The following TNXB variants were observed in gnomAD, a reference collection of about 807,000 sequenced individuals.
The protein encoded by TNXB is tenascin-X.
Under a neutral mutation model 340.5 loss-of-function variants are expected in TNXB, and 183 were observed. The observed-to-expected ratio is 0.54, with a 90% confidence interval of 0.48 to 0.61. TNXB has a LOEUF of 0.61. TNXB is among the 20% of genes least tolerant of loss of function. TNXB has a pLI of 0.00. For synonymous variants in TNXB, 2,121 were observed against 2,314.5 expected, an observed-to-expected ratio of 0.92 and a Z score of 2.40; for missense variants, 4,613 against 5,446.4, an observed-to-expected ratio of 0.85 and a Z score of 4.82.
chr6:32,084,801 C>T lies in TNXB; in HGVS notation c.3149-92G>A, dbSNP rs1307740801. ...CTCTCCCCTGCCCACCTCACTCCAT[C>T]CTGGATAGATCCCTCCCCGGAAGAC... On this transcript the variant is annotated intron_variant, in intron 7 of 43. Transcript: ENST00000644971. This position sits in a 1 kb window ranked among gnomAD's most constrained non-coding sequence, Gnocchi z 5.5. 6 of 1,223,044 alleles carry T rather than the reference C, an allele frequency of 4.9e-6. No homozygotes were observed. Among genetic ancestry groups the T allele is most frequent in the Non-Finnish European group, 6.6e-6 (6 of 909,554 alleles). 75.8% of individuals were successfully genotyped at this position (1,223,044 alleles called of 1,614,324 possible). A position where few individuals can be genotyped will look rare whatever the true frequency, so the allele number is the denominator to read the frequency against.
At chr6:32,077,875 A>C (rs1045475791) in intron 11 of TNXB, among the ~76,000 whole-genome samples, 1 of 151,990 alleles carries the variant, frequency 6.6e-6, no homozygotes, top group South Asian at 2.1e-4. Flanking sequence ...AAAAATACAA[A>C]AATTAGCCAG....
At position 32,065,019 on chromosome 6, in the gene TNXB, T is replaced by C. The variant is rs1778255517; in HGVS notation, c.6643A>G (p.Thr2215Ala). 2 of 1,610,564 alleles carry C rather than the reference T, an allele frequency of 1.2e-6. No homozygotes were observed. The highest frequency in any genetic ancestry group is 1.7e-6 in the Non-Finnish European group (2 of 1,178,910). Residue 2215 changes from threonine (T) to alanine (A), a missense_variant, in exon 19 of 44, where the codon ACA (threonine) becomes GCA (alanine). By Grantham distance (58) the Thr-to-Ala change is moderately conservative. Coordinates refer to ENST00000644971, the MANE Select transcript of TNXB (RefSeq NM_001365276.2). Reference protein sequence around the residue: ...ITSDSLSLSWTVPEGQFDHFL... With the variant: ...ITSDSLSLSWAVPEGQFDHFL... ...TGGTCAAACTGGCCCTCGGGGACTG[T>C]CCAGGAGAGGCTGAGGGAGTCGGAG...
In TNXB at chr6:32,084,891, C is replaced by T. The variant is rs1290235563; in HGVS notation, c.3149-182G>A. On this transcript the variant is annotated intron_variant, in intron 7 of 43. Coordinates refer to ENST00000644971, the MANE Select transcript of TNXB (RefSeq NM_001365276.2). The surrounding 1 kb of genome is among the most constrained non-coding windows in gnomAD (Gnocchi z 5.5). ...AGGGGCATTTCCCTCTCAATCTCTG[C>T]TTCTTCCCTTGTGACAGTTTCTCCA... Among the ~76,000 whole-genome samples, 2 of 152,192 alleles carry T rather than the reference C, an allele frequency of 1.3e-5. No individual in the cohort carries two copies.
At position 32,097,352 on chromosome 6, in the gene TNXB, G is replaced by C; in HGVS notation, c.501C>G (p.Cys167Trp). 1 of 1,613,128 alleles carries C rather than the reference G, an allele frequency of 6.2e-7. No individual in the cohort carries two copies. Among genetic ancestry groups the C allele is most frequent in the Non-Finnish European group, 8.5e-7 (1 of 1,179,878 alleles). Residue 167 changes from cysteine to tryptophan, a missense_variant, in exon 3 of 44, where the codon TGC becomes TGG. By Grantham distance (215) the Cys-to-Trp change is radical. This residue lies in a region of TNXB where 4,327 missense variants were observed against 4,859.4 expected (regional missense o/e 0.89). Transcript: ENST00000644971. The surrounding 1 kb of genome is among the most constrained non-coding windows in gnomAD (Gnocchi z 5.9). ...GGATCTCAGCATCTGTGGGGTCTGA[G>C]CAGGTGGGCCCACCCCAGCCTGGCT... ...SCEPGWGGPT[C>W]SDPTDAEIPP...
At chr6:32,094,071 GC>G (rs1398622283) in intron 4 of TNXB, among the ~76,000 whole-genome samples, 1 of 131,328 alleles carries the variant, frequency 7.6e-6, no homozygotes, top group Non-Finnish European at 1.5e-5. Context: ...TCGAGCCTGG[GC>G]CACAGAGTGA....
chr6:32,046,004 C>G lies in TNXB; in HGVS notation c.10606+171G>C, dbSNP rs1183545053. ...CCTGGCCTGGCTCCTGCTCTGGACTCCTTGATGGATGTTGAAGCCCACAGG... is the reference window on the plus strand; with the variant it reads ...CCTGGCCTGGCTCCTGCTCTGGACTGCTTGATGGATGTTGAAGCCCACAGG... On this transcript the variant is annotated intron_variant, in intron 31 of 43. Transcript: ENST00000644971. The surrounding 1 kb of genome is among the most constrained non-coding windows in gnomAD (Gnocchi z 6.9). 8 of 1,377,600 alleles carry G rather than the reference C, an allele frequency of 5.8e-6. No homozygotes were observed. The highest frequency in any genetic ancestry group is 7.5e-6 in the Non-Finnish European group (8 of 1,066,850). The allele number at this position is 1,377,600 out of a possible 1,614,324, so 85.3% of individuals were successfully genotyped here. A position where few individuals can be genotyped will look rare whatever the true frequency, so the allele number is the denominator to read the frequency against.
chr6:32,077,649 A>T (rs1216914511), intron 11 of TNXB, among the ~76,000 whole-genome samples: 1 of 152,178 alleles, frequency 6.6e-6, no homozygotes, highest in East Asian at 1.9e-4. Context: ...GTGGTGGTGG[A>T]TGTGGCCCTG....
chr6:32,059,877 G>A (rs939818925), intron 21 of TNXB, among the ~76,000 whole-genome samples: 7 of 151,890 alleles, frequency 4.6e-5, no homozygotes, highest in Non-Finnish European at 7.4e-5. Flanking sequence ...CTTCCCCATC[G>A]GTAGGAATTC....
rs193110882 is a variant in TNXB, at chr6:32,079,718, C to T, written c.4043-353G>A. ...TGCCCTCCCCAGGGCACTCTGGCTG[C>T]CCCACCCCTCATATGAGGATCTGAC... On this transcript the variant is annotated intron_variant, in intron 10 of 43. Coordinates refer to ENST00000644971, the MANE Select transcript of TNXB (RefSeq NM_001365276.2). The surrounding 1 kb of genome is among the most constrained non-coding windows in gnomAD (Gnocchi z 7.1). 5.5e-4 allele frequency among the ~76,000 whole-genome samples: 84 copies of T among 152,298 alleles called. 3 individuals are homozygous for T. In the East Asian group the frequency reaches 0.016, roughly 29 times the overall value.
In TNXB at chr6:32,058,223, C is replaced by T. The variant is rs777317530; in HGVS notation, c.7660G>A (p.Val2554Met). ...CGCCCGTCCCTGTCCTTGTACTGCA[C>T]GGTGAAGGAGTCAAAGCGGCCCTGG... ...VPQGRFDSFT[V>M]QYKDRDGRPQ... The change falls in exon 22 of 44, where the codon GTG becomes ATG. Residue 2554 changes from valine (V) to methionine (M), a missense_variant. By Grantham distance (21) the Val-to-Met change is conservative (BLOSUM62 1). Transcript: ENST00000644971. This position sits in a 1 kb window ranked among gnomAD's most constrained non-coding sequence, Gnocchi z 5.1. The T allele has an allele frequency of 1.6e-5, 26 of 1,612,282 alleles. No individual in the cohort carries two copies. The African/African-American group carries it at 2.1e-4, about 13-fold the overall frequency.
Position 32,056,904 on chromosome 6 carries a change from C to G in TNXB, c.7826-1G>C, listed in dbSNP as rs200357005. ...GCTTGGGTGGTCTCGGCTTCATCCT[C>G]TGGAGTTGGACAGACACGTGTGGGG... On this transcript the variant is annotated splice_acceptor_variant, in intron 22 of 43. Coordinates refer to ENST00000644971, the MANE Select transcript of TNXB (RefSeq NM_001365276.2). LOFTEE classifies it high-confidence loss of function. The G allele has an allele frequency of 7.4e-6, 12 of 1,610,796 alleles. No individual in the cohort carries two copies. The highest frequency in any genetic ancestry group is 9.3e-6 in the Non-Finnish European group (11 of 1,178,250).
chr6:32,095,494 C>A (rs1355949406), intron 3 of TNXB, 117 bp downstream of exon 3: 3 of 1,361,298 alleles, frequency 2.2e-6, no homozygotes, highest in Middle Eastern at 2.6e-4. Flanking sequence ...CTGGTGGGCA[C>A]TGGCTCCTTG....
intron 1 of TNXB, among the ~76,000 whole-genome samples, chr6:32,100,667 G>C (rs1191852000): frequency 6.6e-6 from 1 of 151,952 alleles, no homozygotes; most frequent in Non-Finnish European, 1.5e-5. Context: ...TCGAGGCTGT[G>C]GTGAGCTGTG....
In TNXB at chr6:32,053,653, G is replaced by T. The variant is rs370624838; in HGVS notation, c.8526C>A (p.Pro2842=). The T allele has an allele frequency of 6.2e-7, 1 of 1,613,186 alleles. No homozygotes were observed. The highest frequency in any genetic ancestry group is 8.5e-7 in the Non-Finnish European group (1 of 1,179,792). The change falls in exon 25 of 44, where the codon CCC becomes CCA. Residue 2842 remains proline (P), a synonymous_variant. Coordinates refer to ENST00000644971, the MANE Select transcript of TNXB (RefSeq NM_001365276.2). ...TCAGCTCCCCGAGGCGAGGCTTGTT[G>T]GGGGGCTCAGGGGTTGTGGTGGGCA... The part of the protein sequence containing the change: ...QAVPTTTPEP[P]NKPRLGELTV...
rs1388779380 is a variant in TNXB at position 32,064,248 on chromosome 6, T to G, written c.6841+573A>C. Among the ~76,000 whole-genome samples, 1 of 152,210 alleles carries G rather than the reference T, an allele frequency of 6.6e-6. No individual in the cohort carries two copies. The highest frequency in any genetic ancestry group is 1.5e-5 in the Non-Finnish European group (1 of 68,032). On this transcript the variant is annotated intron_variant, in intron 19 of 43. Transcript: ENST00000644971. The surrounding 1 kb of genome is among the most constrained non-coding windows in gnomAD (Gnocchi z 5.3). ...GTTTTTTTGAGACAGGGTCTCACTC[T>G]GTCACACAGGCTGGAGTGCAGTGGC...
In TNXB at chr6:32,096,135, C is replaced by A. The variant is rs761054377; in HGVS notation, c.1718G>T (p.Arg573Leu). 1.3e-6 allele frequency: 2 copies of A among 1,599,344 alleles called. No homozygotes were observed. Among genetic ancestry groups the A allele is most frequent in the East Asian group, 2.3e-5 (1 of 44,030 alleles). ...AGAGTAGCCGTCCTCGCACACACAC[C>A]GCCCATCTAGGCACTGGCCGCGGCC... The part of the protein sequence containing the change: ...CRGRGQCLDG[R>L]CVCEDGYSGE... Residue 573 changes from arginine to leucine, a missense_variant, in exon 3 of 44, where the codon CGG (arginine) becomes CTG (leucine). Transcript: ENST00000644971.
Position 32,062,624 on chromosome 6 carries a change from A to C in TNXB, c.6842-141T>G. ...CTTAGAATATCATTTTTCTGCTTTG[A>C]ATGTTCAGTTAACACCACACCTGTG... On this transcript the variant is annotated intron_variant, in intron 19 of 43. Transcript: ENST00000644971. The surrounding 1 kb of genome is among the most constrained non-coding windows in gnomAD (Gnocchi z 4.3). The C allele has an allele frequency of 2.3e-6, 2 of 859,384 alleles. No homozygotes were observed. The highest frequency in any genetic ancestry group is 3.5e-6 in the Non-Finnish European group (2 of 575,514). 53.2% of individuals were successfully genotyped at this position (859,384 alleles called of 1,614,324 possible).
chr6:32,042,470 A>G lies in TNXB; in HGVS notation c.12195T>C (p.Asp4065=). 1 of 1,612,328 alleles carries G rather than the reference A, an allele frequency of 6.2e-7. No individual in the cohort carries two copies. The highest frequency in any genetic ancestry group is 8.5e-7 in the Non-Finnish European group (1 of 1,179,890). ...PLNVFCDMET[D]GGGWLVFQRR... Reference sequence around the variant, plus strand: ...TGCCACCCACCAGCCAGCCGCCCCCATCAGTCTCCATGTCGCAAAACACGT... The same window carrying G: ...TGCCACCCACCAGCCAGCCGCCCCCGTCAGTCTCCATGTCGCAAAACACGT... Residue 4065 remains aspartate, a synonymous_variant, in exon 40 of 44, where the codon GAT becomes GAC. Transcript: ENST00000644971.
At chr6:32,041,956 G>A in intron 42 of TNXB, 22 bp from the exon 43 acceptor site, 1 of 576,902 alleles carries the variant, frequency 1.7e-6, no homozygotes, top group Non-Finnish European at 3.0e-6. Flanking sequence ...GGAGGAAGGA[G>A]CCATGAGGGC....
Sources: allele counts gnomAD v4.1 joint callset (sites outside exome capture counted in the v4.1 genomes callset), GRCh38; gene constraint gnomAD v4.1.1; regional missense constraint gnomAD v4.1.1; non-coding constraint Gnocchi (gnomAD v3.1); transcripts MANE v1.5; gene names NCBI Gene and HGNC (gene_info 2026-07-23, HGNC 2026-07-21).